The following TCF25 variants were observed in gnomAD, a reference collection of about 807,000 sequenced individuals.
TCF25 encodes TCF25 ribosome quality control complex subunit, also known as ribosome quality control complex subunit TCF25.
In TCF25, 41 loss-of-function variants were observed where a neutral mutation model predicts 83.1. That is an observed-to-expected ratio of 0.49 (90% CI 0.38 to 0.64). The LOEUF (loss-of-function observed/expected upper bound fraction) is 0.64. Among genes scored for constraint, TCF25 ranks in the 30% least tolerant of loss-of-function variants. The pLI is 0.00. For missense variants in TCF25, 979 were observed against 914.5 expected (o/e 1.07, Z -0.91); for synonymous variants, 458 against 365.0 (o/e 1.25, Z -2.90).
At position 89,873,644 on chromosome 16, in the gene TCF25, C is replaced by T. The variant is rs2041919560; in HGVS notation, c.-24C>T. The T allele has an allele frequency of 1.3e-6, 2 of 1,542,932 alleles. No homozygotes were observed. Among genetic ancestry groups the T allele is most frequent in the South Asian group, 1.2e-5 (1 of 82,918 alleles). On this transcript the variant is annotated 5_prime_UTR_variant, in exon 1 of 18. Transcript: ENST00000263346. The stretch of plus-strand genomic sequence containing the variant: ...TTCTGCGCTTCCTTCTCCCTCTCTC[C>T]AGACGTCGTGGTCGTTCGGTCCTAT...
intron 14 of TCF25, among the ~76,000 whole-genome samples, chr16:89,905,977 G>A (rs890298598): frequency 1.3e-5 from 2 of 152,142 alleles, no homozygotes; most frequent in East Asian, 1.9e-4. Flanking sequence ...TGAGTCACTG[G>A]CCATGTGGCT....
intron 1 of TCF25, among the ~76,000 whole-genome samples, chr16:89,876,786 G>T: frequency 6.6e-6 from 1 of 152,224 alleles, no homozygotes; most frequent in East Asian, 1.9e-4. Flanking sequence ...AAAATTAGCC[G>T]GGTGTGGCGG....
intron 1 of TCF25, among the ~76,000 whole-genome samples, chr16:89,881,491 G>A (rs1597274194): frequency 6.6e-6 from 1 of 151,604 alleles, no homozygotes; most frequent in Admixed American, 6.6e-5. Context: ...TGTTGCCCAC[G>A]CTGGAGTGCC....
Position 89,875,773 on chromosome 16 carries a change from C to G in TCF25, c.192+1914C>G, listed in dbSNP as rs996740523. On this transcript the variant is annotated intron_variant, in intron 1 of 17. Coordinates refer to ENST00000263346, the MANE Select transcript of TCF25 (RefSeq NM_014972.3). ...TCCTGACCTCGTGATCCGCCTGCCT[C>G]GGCCTCCCAAAGTGCTGGGATTACA... Among the ~76,000 whole-genome samples the G allele has an allele frequency of 1.1e-4, 16 of 147,296 alleles. No homozygotes were observed. The Admixed American group carries it at 1.1e-3, about 10-fold the overall frequency.
At chr16:89,883,638 T>C in intron 2 of TCF25, 126 bp downstream of exon 2, 1 of 1,137,322 alleles carries the variant, frequency 8.8e-7, no homozygotes, top group Non-Finnish European at 1.2e-6. Context: ...GGTTACCTGC[T>C]AGTTGCCCCC....
At chr16:89,873,951 G>T (rs2041949556) in intron 1 of TCF25, 92 bp downstream of exon 1, 1 of 1,357,174 alleles carries the variant, frequency 7.4e-7, no homozygotes, top group Non-Finnish European at 9.6e-7. Context: ...GCGGGGTTGT[G>T]ATGCCAGGGG....
intron 1 of TCF25, among the ~76,000 whole-genome samples, chr16:89,881,555 C>T (rs1036882741): frequency 2.6e-5 from 4 of 151,966 alleles, no homozygotes; most frequent in African/African-American, 7.3e-5. Flanking sequence ...GCTGGGCTCA[C>T]GCAGTCCTCC....
At chr16:89,884,506 C>A in intron 2 of TCF25, 76 bp from the exon 3 acceptor site, 1 of 1,505,342 alleles carries the variant, frequency 6.6e-7, no homozygotes, top group South Asian at 1.2e-5. Context: ...AGGGTGGAGT[C>A]ACGCTTGCTG....
At chr16:89,891,309 G>C (rs1263292420) in intron 5 of TCF25, among the ~76,000 whole-genome samples, 1 of 152,216 alleles carries the variant, frequency 6.6e-6, no homozygotes, top group African/African-American at 2.4e-5. Context: ...TCCTAGGCCT[G>C]GGCGTGTGCT....
At chr16:89,900,830 G>C in intron 12 of TCF25, 36 bp downstream of exon 12, 1 of 1,516,112 alleles carries the variant, frequency 6.6e-7, no homozygotes. Flanking sequence ...GGGTAGGGGT[G>C]TGTCCTGTCA....
intron 2 of TCF25, 80 bp downstream of exon 2, chr16:89,883,592 T>C (rs2042765195): frequency 6.9e-7 from 1 of 1,448,278 alleles, no homozygotes; most frequent in East Asian, 2.5e-5. Flanking sequence ...TGTGCTGTGA[T>C]TTTCCTTGGA....
intron 5 of TCF25, among the ~76,000 whole-genome samples, chr16:89,890,933 C>A (rs1423239384): frequency 6.6e-6 from 1 of 152,106 alleles, no homozygotes; most frequent in Non-Finnish European, 1.5e-5. Flanking sequence ...CCTTTTTATT[C>A]ATTCCTTGTC....
chr16:89,884,983 C>G (rs1315947582), intron 3 of TCF25, among the ~76,000 whole-genome samples: 1 of 109,442 alleles, frequency 9.1e-6, no homozygotes, highest in Non-Finnish European at 1.7e-5. Flanking sequence ...CTGTCTGACG[C>G]CCTCTCCGTC....
intron 5 of TCF25, chr16:89,889,267 T>C: frequency 2.5e-6 from 1 of 396,940 alleles, no homozygotes; most frequent in South Asian, 1.9e-5. Context: ...GGTTTTGAAC[T>C]CGTGGCCTCA....
chr16:89,879,843 G>A (rs1331376462), intron 1 of TCF25, among the ~76,000 whole-genome samples: 3 of 136,562 alleles, frequency 2.2e-5, no homozygotes, highest in African/African-American at 8.5e-5. Flanking sequence ...GTGCACAGAT[G>A]GGCTTCGGGG....
intron 16 of TCF25, 48 bp downstream of exon 16, chr16:89,907,370 TC>T (rs1567740791): frequency 8.1e-5 from 7 of 86,480 alleles, no homozygotes; most frequent in East Asian, 6.3e-4. Context: ...ACCTCCCTCC[TC>T]CCAGTTCCCA....
intron 1 of TCF25, chr16:89,878,509 C>G (rs1281494299): frequency 4.2e-5 from 52 of 1,235,646 alleles, no homozygotes; most frequent in Non-Finnish European, 5.3e-5. Flanking sequence ...AAACTCCTTC[C>G]TGGTTATTAA....
At chr16:89,892,577 C>G (rs964873653) in intron 6 of TCF25, among the ~76,000 whole-genome samples, 1 of 152,250 alleles carries the variant, frequency 6.6e-6, no homozygotes, top group African/African-American at 2.4e-5. Context: ...CAGGCACAGT[C>G]TTTGTGTGAC....
chr16:89,907,669 C>CGCAG (rs2045011140), intron 16 of TCF25, among the ~76,000 whole-genome samples: 1 of 83,068 alleles, frequency 1.2e-5, no homozygotes. Flanking sequence ...CCAGCTCCCT[C>CGCAG]CTCCCACCTC....
Sources: allele counts gnomAD v4.1 joint callset (sites outside exome capture counted in the v4.1 genomes callset), GRCh38; gene constraint gnomAD v4.1.1; transcripts MANE v1.5; gene names NCBI Gene and HGNC (gene_info 2026-07-23, HGNC 2026-07-21).